CNTNAP2: variants seen among roughly 807,000 people sequenced by gnomAD.
CNTNAP2 encodes contactin associated protein 2.
Under a neutral mutation model 155.2 loss-of-function variants are expected in CNTNAP2, and 98 were observed. That is an observed-to-expected ratio of 0.63 (90% CI 0.54 to 0.75). The LOEUF (loss-of-function observed/expected upper bound fraction) is 0.75, where lower values mean the gene tolerates loss of function less well. Ranked by LOEUF, CNTNAP2 falls within the 30% of genes least tolerant of loss-of-function variation. The probability of loss-of-function intolerance (pLI) is 0.00; values close to 1 mark genes in which losing one functional copy is unlikely to be tolerated. For missense variants in CNTNAP2, 1,727 were observed against 1,688.1 expected (o/e 1.02, Z -0.40); for synonymous variants, 651 against 631.2 (o/e 1.03, Z -0.47).
intron 9 of CNTNAP2, among the ~76,000 whole-genome samples, chr7:147,315,387 T>C (rs1795206883): frequency 2.0e-5 from 3 of 150,334 alleles, no homozygotes; most frequent in Admixed American, 6.6e-5. Flanking sequence ...TAGAAATCAC[T>C]CTGAATTCTT....
At chr7:147,037,038 A>G (rs1799163451) in intron 3 of CNTNAP2, among the ~76,000 whole-genome samples, 1 of 152,132 alleles carries the variant, frequency 6.6e-6, no homozygotes, top group Non-Finnish European at 1.5e-5. Flanking sequence ...AAACTTTTAA[A>G]TTACTTGTAT....
intron 2 of CNTNAP2, among the ~76,000 whole-genome samples, chr7:146,808,008 A>G (rs1802998113): frequency 6.6e-6 from 1 of 152,164 alleles, no homozygotes; most frequent in African/African-American, 2.4e-5. Context: ...AGAAATGATA[A>G]GAGATGTCTT....
At chr7:146,437,322 C>T (rs376069070) in intron 1 of CNTNAP2, among the ~76,000 whole-genome samples, 1 of 151,306 alleles carries the variant, frequency 6.6e-6, no homozygotes. Flanking sequence ...CTGTTCTAAA[C>T]GACAAAACTA....
At chr7:148,160,401 C>A (rs1190404434) in intron 17 of CNTNAP2, among the ~76,000 whole-genome samples, 1 of 150,190 alleles carries the variant, frequency 6.7e-6, no homozygotes, top group Non-Finnish European at 1.5e-5. Flanking sequence ...CAGAGCGAGA[C>A]CCTAACTCTA....
chr7:147,822,321 C>A (rs900547226), intron 13 of CNTNAP2, among the ~76,000 whole-genome samples: 1 of 152,136 alleles, frequency 6.6e-6, no homozygotes, highest in African/African-American at 2.4e-5. Flanking sequence ...TATATCCAGG[C>A]TGGCATATCT....
chr7:147,037,161 TAAG>T (rs888201637), intron 3 of CNTNAP2, among the ~76,000 whole-genome samples: 9 of 151,870 alleles, frequency 5.9e-5, no homozygotes, highest in Non-Finnish European at 1.3e-4. Flanking sequence ...AAATAAAAAA[TAAG>T]GAGAGAAGTA....
In CNTNAP2 at chr7:146,368,967, G is replaced by T. The variant is rs981287723; in HGVS notation, c.97+251994G>T. 7.4e-4 allele frequency among the ~76,000 whole-genome samples: 109 copies of T among 147,038 alleles called. 2 individuals carry two copies. Among genetic ancestry groups the T allele is most frequent in the Admixed American group, 7.4e-3 (108 of 14,586 alleles). On this transcript the variant is annotated intron_variant, in intron 1 of 23. Transcript: ENST00000361727. ...AGTCAAAAGCTTGAAATTAAACATA[G>T]TATTTTCCTATGAAATATATTTTTT...
At chr7:146,169,212 A>G (rs1470224011) in intron 1 of CNTNAP2, among the ~76,000 whole-genome samples, 1 of 152,090 alleles carries the variant, frequency 6.6e-6, no homozygotes, top group African/African-American at 2.4e-5. Flanking sequence ...AACTTACCCA[A>G]TTTATTTGTA....
chr7:146,411,961 C>A (rs1639497), intron 1 of CNTNAP2, among the ~76,000 whole-genome samples: 5,393 of 151,902 alleles, frequency 0.036, 344 homozygotes, highest in African/African-American at 0.12. Context: ...CTCAACCTCC[C>A]GAGTAGCTGG....
intron 1 of CNTNAP2, among the ~76,000 whole-genome samples, chr7:146,742,134 T>C (rs1468512984): frequency 1.6e-4 from 25 of 152,212 alleles, no homozygotes; most frequent in Admixed American, 1.6e-3. Context: ...GTGGCATTTT[T>C]GTCCATCTGC....
At chr7:146,526,762 A>G (rs779937795) in intron 1 of CNTNAP2, among the ~76,000 whole-genome samples, 4 of 152,156 alleles carry the variant, frequency 2.6e-5, no homozygotes, top group Non-Finnish European at 5.9e-5. Context: ...GAATTGTTCA[A>G]ACATTTTGCC....
intron 1 of CNTNAP2, among the ~76,000 whole-genome samples, chr7:146,217,525 A>G (rs1200492983): frequency 2.0e-5 from 3 of 152,210 alleles, no homozygotes; most frequent in African/African-American, 4.8e-5. Context: ...ATTAATACTT[A>G]GAAGAAACCT....
At chr7:148,002,968 T>C (rs936761021) in intron 15 of CNTNAP2, among the ~76,000 whole-genome samples, 6 of 152,226 alleles carry the variant, frequency 3.9e-5, no homozygotes, top group Non-Finnish European at 7.3e-5. Context: ...TGTTCAGATA[T>C]GTGACCTGGG....
intron 13 of CNTNAP2, among the ~76,000 whole-genome samples, chr7:147,730,180 T>C (rs12703960): frequency 0.78 from 119,209 of 152,006 alleles, 51,161 homozygotes; most frequent in East Asian, 0.95. Flanking sequence ...GAAGTGGGCT[T>C]ATGTCAAATG....
chr7:147,406,493 C>G (rs1181547764), intron 10 of CNTNAP2, among the ~76,000 whole-genome samples: 1 of 151,998 alleles, frequency 6.6e-6, no homozygotes, highest in Admixed American at 6.5e-5. Flanking sequence ...ATTTCCATTT[C>G]CTCTTTGTAT....
chr7:146,551,289 T>A (rs2129142781), intron 1 of CNTNAP2, among the ~76,000 whole-genome samples: 1 of 151,862 alleles, frequency 6.6e-6, no homozygotes, highest in South Asian at 2.1e-4. Context: ...CCCTTCCCCC[T>A]CCCTCCACCC....
intron 9 of CNTNAP2, among the ~76,000 whole-genome samples, chr7:147,390,472 A>G (rs1171841107): frequency 2.6e-5 from 4 of 152,120 alleles, no homozygotes; most frequent in African/African-American, 7.2e-5. Context: ...CTGCAGATAC[A>G]TGTTTCCTAG....
intron 13 of CNTNAP2, among the ~76,000 whole-genome samples, chr7:147,888,087 A>G (rs1174395461): frequency 2.6e-5 from 4 of 152,356 alleles, no homozygotes; most frequent in African/African-American, 9.6e-5. Flanking sequence ...ACATGATCTC[A>G]AAAGAAAAAA....
At position 148,216,105 on chromosome 7, in the gene CNTNAP2, T is replaced by C. The variant is rs767117647; in HGVS notation, c.3011-1183T>C. ...CGTGAAGACCACAGGATCCCTAAGG[T>C]GGCACAGCCCTTCACAGTGAGTCGG... On this transcript the variant is annotated intron_variant, in intron 18 of 23. Transcript: ENST00000361727. 4.6e-4 allele frequency among the ~76,000 whole-genome samples: 70 copies of C among 152,236 alleles called. 1 individual carries two copies. Among genetic ancestry groups the C allele is most frequent in the South Asian group, 6.2e-4 (3 of 4,810 alleles).
Sources: gnomAD v4.1 joint callset for allele counts (sites outside exome capture counted in the v4.1 genomes callset) on GRCh38, gnomAD v4.1.1 for gene constraint, MANE v1.5 for transcripts, NCBI Gene and HGNC (gene_info 2026-07-23, HGNC 2026-07-21) for gene names.